MEMO1: variants seen among roughly 807,000 people sequenced by gnomAD.
MEMO1 encodes the protein protein MEMO1.
MEMO1 carries 6 observed loss-of-function variants against 45.2 expected under a neutral mutation model. The observed-to-expected ratio is 0.13, with a 90% CI of 0.07 to 0.26. The LOEUF is 0.26. Ranked by LOEUF, MEMO1 falls within the 10% of genes least tolerant of loss-of-function variation. The probability of loss-of-function intolerance (pLI) is 1.00; values close to 1 mark genes in which losing one functional copy is unlikely to be tolerated. For synonymous variants in MEMO1, 78 were observed against 124.3 expected, an observed-to-expected ratio of 0.63 and a Z score of 2.48; for missense variants, 184 against 370.5, an observed-to-expected ratio of 0.50 and a Z score of 4.13.
At chr2:31,912,635 C>A (rs1680755901) in intron 6 of MEMO1, among the ~76,000 whole-genome samples, 2 of 149,568 alleles carry the variant, frequency 1.3e-5, no homozygotes, top group South Asian at 2.1e-4. Context: ...TTAATATATG[C>A]AAAAAAACAG....
At chr2:31,949,137 A>C (rs1293850539) in intron 2 of MEMO1, among the ~76,000 whole-genome samples, 2 of 152,220 alleles carry the variant, frequency 1.3e-5, no homozygotes, top group Admixed American at 6.5e-5. Context: ...GATGGAAAAA[A>C]GGGAGCCCTT....
chr2:31,882,150 A>C (rs1332255042), intron 8 of MEMO1, among the ~76,000 whole-genome samples: 1 of 151,768 alleles, frequency 6.6e-6, no homozygotes, highest in East Asian at 1.9e-4. Context: ...TCTCTAAATA[A>C]ATAAATAAAT....
At chr2:31,959,367 C>G (rs1325894107) in intron 2 of MEMO1, among the ~76,000 whole-genome samples, 2 of 151,542 alleles carry the variant, frequency 1.3e-5, no homozygotes, top group African/African-American at 4.9e-5. Context: ...AGAAGTTGGG[C>G]CAATAAGGAA....
chr2:31,963,572 G>A (rs1200440744), intron 2 of MEMO1, among the ~76,000 whole-genome samples: 1 of 152,160 alleles, frequency 6.6e-6, no homozygotes, highest in Non-Finnish European at 1.5e-5. Flanking sequence ...GCAGGTGACG[G>A]GGGTGTGACC....
At chr2:31,887,542 C>T (rs1245174867) in intron 7 of MEMO1, among the ~76,000 whole-genome samples, 2 of 152,076 alleles carry the variant, frequency 1.3e-5, no homozygotes, top group Non-Finnish European at 2.9e-5. Flanking sequence ...AAGGACCCAA[C>T]CTGGGGACAT....
intron 6 of MEMO1, among the ~76,000 whole-genome samples, chr2:31,902,355 G>A (rs1043143851): frequency 6.6e-6 from 1 of 151,250 alleles, no homozygotes; most frequent in Non-Finnish European, 1.5e-5. Context: ...CCGAGATCAT[G>A]CCACTGCACT....
intron 2 of MEMO1, among the ~76,000 whole-genome samples, chr2:31,962,208 T>C (rs1668086838): frequency 6.6e-6 from 1 of 151,964 alleles, no homozygotes; most frequent in Non-Finnish European, 1.5e-5. Flanking sequence ...AACACAGTGG[T>C]GAAACCCCAT....
At chr2:31,990,025 A>C (rs1444629063) in intron 2 of MEMO1, among the ~76,000 whole-genome samples, 2 of 152,154 alleles carry the variant, frequency 1.3e-5, no homozygotes, top group Non-Finnish European at 2.9e-5. Context: ...AGTGAGTAGG[A>C]AGGATCGCTT....
intron 2 of MEMO1, among the ~76,000 whole-genome samples, chr2:31,991,534 G>T (rs1271059437): frequency 7.0e-6 from 1 of 142,792 alleles, no homozygotes; most frequent in Non-Finnish European, 1.5e-5. Flanking sequence ...TCGCCCCATT[G>T]TACCCCAGCC....
At chr2:31,914,288 T>C (rs966971709) in intron 6 of MEMO1, among the ~76,000 whole-genome samples, 1 of 152,064 alleles carries the variant, frequency 6.6e-6, no homozygotes, top group African/African-American at 2.4e-5. Flanking sequence ...TTGTGGGACC[T>C]AAAAATCAAA....
intron 2 of MEMO1, among the ~76,000 whole-genome samples, chr2:31,971,443 T>C (rs1402654928): frequency 6.6e-6 from 1 of 152,004 alleles, no homozygotes; most frequent in Non-Finnish European, 1.5e-5. Context: ...TAGCCCAGGC[T>C]GGTCTTGCAC....
intron 6 of MEMO1, among the ~76,000 whole-genome samples, chr2:31,917,601 GAATGT>G (rs1394045610): frequency 1.3e-5 from 2 of 152,032 alleles, no homozygotes; most frequent in Non-Finnish European, 2.9e-5. Flanking sequence ...TACCATAAAA[GAATGT>G]AATTATTATT....
At chr2:31,918,431 T>C (rs908075234) in intron 5 of MEMO1, among the ~76,000 whole-genome samples, 11 of 152,174 alleles carry the variant, frequency 7.2e-5, no homozygotes, top group African/African-American at 1.2e-4. Flanking sequence ...AGAACATAAT[T>C]AGAATTCCTA....
chr2:32,008,060 T>G (rs866749349), intron 2 of MEMO1, among the ~76,000 whole-genome samples: 1 of 152,238 alleles, frequency 6.6e-6, no homozygotes. Flanking sequence ...AAGAATATAC[T>G]TAGAATTTTT....
chr2:31,981,800 ACAC>A (rs1670670219), intron 2 of MEMO1, among the ~76,000 whole-genome samples: 2 of 152,242 alleles, frequency 1.3e-5, no homozygotes, highest in Admixed American at 1.3e-4. Flanking sequence ...AGGCATAATG[ACAC>A]CTAAAAGAAA....
chr2:31,959,538 T>C (rs931484475), intron 2 of MEMO1, among the ~76,000 whole-genome samples: 1 of 151,662 alleles, frequency 6.6e-6, no homozygotes, highest in African/African-American at 2.4e-5. Flanking sequence ...TTGGTGATTA[T>C]GAGAAATTGG....
chr2:31,920,455 AG>A lies in MEMO1; in HGVS notation c.325+342del, dbSNP rs1682152782. On this transcript the variant is annotated intron_variant, in intron 5 of 9. Transcript: ENST00000404530. ...AGTGAGAAAAGTGGCGTTACATGGA[AG>A]TAAATTAACACGCCCAGAATCTTTA... Among the ~76,000 whole-genome samples the A allele has an allele frequency of 6.6e-5, 10 of 152,272 alleles. No homozygotes were observed. In the South Asian group the frequency reaches 1.9e-3, roughly 28 times the overall value.
At position 32,010,544 on chromosome 2, in the gene MEMO1, G is replaced by GC. The variant is rs1204989278; in HGVS notation, c.-17-281dup. ...CGAAGCCCGGAAAGCCCTGGCCCCG[G>GC]CCCCCGGCGTCCCCGCTGCTGCCCA... On this transcript the variant is annotated intron_variant, in intron 1 of 9. Transcript: ENST00000404530. 4.6e-3 allele frequency: 1,083 copies of GC among 235,806 alleles called. 15 individuals are homozygous for GC. The highest frequency in any genetic ancestry group is 0.024 in the African/African-American group (1,038 of 42,766). 14.6% of individuals were successfully genotyped at this position (235,806 alleles called of 1,614,324 possible).
chr2:31,990,416 T>C (rs938550633), intron 2 of MEMO1, among the ~76,000 whole-genome samples: 1 of 152,150 alleles, frequency 6.6e-6, no homozygotes, highest in Non-Finnish European at 1.5e-5. Flanking sequence ...TAAATAACTT[T>C]GGTTGGTTGG....
Sources: gnomAD v4.1 joint callset for allele counts (sites outside exome capture counted in the v4.1 genomes callset) on GRCh38, gnomAD v4.1.1 for gene constraint, MANE v1.5 for transcripts, NCBI Gene and HGNC (gene_info 2026-07-23, HGNC 2026-07-21) for gene names.